Variants in STXBP5L observed in about 807,000 individuals in gnomAD.
STXBP5L encodes the protein syntaxin-binding protein 5-like.
STXBP5L carries 65 observed loss-of-function variants against 144.5 expected under a neutral mutation model. That is an observed-to-expected ratio of 0.45 (90% CI 0.37 to 0.55). The LOEUF (loss-of-function observed/expected upper bound fraction) is 0.55, where lower values mean the gene tolerates loss of function less well. Ranked by LOEUF, STXBP5L falls within the 20% of genes least tolerant of loss-of-function variation. STXBP5L has a pLI of 0.00. For synonymous variants in STXBP5L, 505 were observed against 469.6 expected, an observed-to-expected ratio of 1.08 and a Z score of -0.97; for missense variants, 1,298 against 1,405.5, an observed-to-expected ratio of 0.92 and a Z score of 1.22.
At chr3:121,346,538 C>T (rs2044994167) in intron 20 of STXBP5L, among the ~76,000 whole-genome samples, 1 of 152,120 alleles carries the variant, frequency 6.6e-6, no homozygotes, top group East Asian at 1.9e-4. Context: ...CTGTCTTCCA[C>T]AATGGTTGAA....
chr3:121,195,452 C>A (rs900336645), intron 9 of STXBP5L, among the ~76,000 whole-genome samples: 1 of 152,156 alleles, frequency 6.6e-6, no homozygotes, highest in African/African-American at 2.4e-5. Flanking sequence ...CCCTGCTTCA[C>A]CCTCGCAACC....
At chr3:121,064,478 C>A (rs1391541647) in intron 5 of STXBP5L, among the ~76,000 whole-genome samples, 2 of 152,206 alleles carry the variant, frequency 1.3e-5, no homozygotes, top group East Asian at 3.9e-4. Flanking sequence ...ATTCCACAAA[C>A]ACCCTTGTGA....
rs1005931334 is a variant in STXBP5L at position 120,996,821 on chromosome 3, G to A, written c.287+41784G>A. Among the ~76,000 whole-genome samples, 4 of 152,064 alleles carry A rather than the reference G, an allele frequency of 2.6e-5. No individual in the cohort carries two copies. The East Asian group carries it at 7.7e-4, about 29-fold the overall frequency. ...TTCTTGCTTTCCAACTTTTATTCTAGGTTCAGGGGGGTACATGTTCAGGTT... is the reference window on the plus strand; with the variant it reads ...TTCTTGCTTTCCAACTTTTATTCTAAGTTCAGGGGGGTACATGTTCAGGTT... On this transcript the variant is annotated intron_variant, in intron 3 of 26. Coordinates refer to ENST00000471454, the MANE Select transcript of STXBP5L (RefSeq NM_001308330.2).
rs1334524732 is a variant in STXBP5L at position 121,223,067 on chromosome 3, A to G, written c.1021A>G (p.Thr341Ala). 10 of 1,613,188 alleles carry G rather than the reference A, an allele frequency of 6.2e-6. No individual in the cohort carries two copies. The highest frequency in any genetic ancestry group is 7.6e-6 in the Non-Finnish European group (9 of 1,179,556). ...YDKACRRPSL[T>A]IMHGKAITVL... Reference sequence around the variant, plus strand: ...CAAAGCTTGTAGAAGACCAAGTTTAACCATCATGCATGGAAAAGCAATTAC... The same window carrying G: ...CAAAGCTTGTAGAAGACCAAGTTTAGCCATCATGCATGGAAAAGCAATTAC... Residue 341 changes from threonine (T) to alanine (A), a missense_variant, in exon 11 of 27, where the codon ACC (threonine) becomes GCC (alanine). Coordinates refer to ENST00000471454, the MANE Select transcript of STXBP5L (RefSeq NM_001308330.2).
intron 20 of STXBP5L, among the ~76,000 whole-genome samples, chr3:121,346,574 T>C (rs2044996229): frequency 6.6e-6 from 1 of 152,180 alleles, no homozygotes; most frequent in Non-Finnish European, 1.5e-5. Flanking sequence ...ACCAACAGTG[T>C]AAAAGTGTTC....
chr3:121,006,981 C>G (rs891234390), intron 3 of STXBP5L, among the ~76,000 whole-genome samples: 1 of 152,148 alleles, frequency 6.6e-6, no homozygotes, highest in Non-Finnish European at 1.5e-5. Flanking sequence ...CTACCCTTAA[C>G]ATTTTTTCCT....
At chr3:121,017,899 G>A (rs992734810) in intron 3 of STXBP5L, among the ~76,000 whole-genome samples, 5 of 152,032 alleles carry the variant, frequency 3.3e-5, no homozygotes, top group South Asian at 2.1e-4. Context: ...GCAATGTTGT[G>A]AGACCCCAGT....
At chr3:121,076,842 C>G (rs1418894943) in intron 5 of STXBP5L, among the ~76,000 whole-genome samples, 1 of 152,172 alleles carries the variant, frequency 6.6e-6, no homozygotes, top group African/African-American at 2.4e-5. Flanking sequence ...TGCTTTCACT[C>G]TCAGTTTCAC....
At chr3:121,290,116 T>C (rs960018560) in intron 19 of STXBP5L, among the ~76,000 whole-genome samples, 2 of 152,130 alleles carry the variant, frequency 1.3e-5, no homozygotes, top group African/African-American at 4.8e-5. Context: ...AACCAAAATG[T>C]GGTTCTTTGA....
chr3:120,939,740 C>T (rs1416037954), intron 2 of STXBP5L, among the ~76,000 whole-genome samples: 5 of 152,064 alleles, frequency 3.3e-5, no homozygotes, highest in Non-Finnish European at 7.4e-5. Flanking sequence ...TTAAGAAATA[C>T]ACTATTACTG....
At chr3:121,334,996 A>C (rs1559987040) in intron 20 of STXBP5L, among the ~76,000 whole-genome samples, 1 of 152,304 alleles carries the variant, frequency 6.6e-6, no homozygotes, top group Non-Finnish European at 1.5e-5. Context: ...CATTCAAACA[A>C]GAAGAGAGAA....
At chr3:121,038,159 A>G (rs1015889027) in intron 3 of STXBP5L, among the ~76,000 whole-genome samples, 1 of 151,474 alleles carries the variant, frequency 6.6e-6, no homozygotes, top group African/African-American at 2.4e-5. Flanking sequence ...GATCATCTTT[A>G]TTATTGTTCT....
At chr3:121,394,602 G>GTTTTTTT (rs373859677) in intron 22 of STXBP5L, among the ~76,000 whole-genome samples, 1 of 99,758 alleles carries the variant, frequency 1.0e-5, no homozygotes, top group Non-Finnish European at 1.9e-5. Context: ...TTTGTTGAGG[G>GTTTTTTT]TTTTTTTTTT....
At chr3:121,386,163 T>A (rs941954808) in intron 22 of STXBP5L, among the ~76,000 whole-genome samples, 3 of 152,252 alleles carry the variant, frequency 2.0e-5, no homozygotes, top group Middle Eastern at 3.4e-3. Flanking sequence ...TGAACAAGAA[T>A]AATAAAGGCC....
At chr3:121,204,350 T>C (rs1347244534) in intron 9 of STXBP5L, among the ~76,000 whole-genome samples, 2 of 152,214 alleles carry the variant, frequency 1.3e-5, no homozygotes, top group Non-Finnish European at 2.9e-5. Context: ...GCACAGTATG[T>C]ATATTTTTGT....
chr3:120,951,708 G>T (rs1190482993), intron 2 of STXBP5L, among the ~76,000 whole-genome samples: 1 of 151,778 alleles, frequency 6.6e-6, no homozygotes, highest in Non-Finnish European at 1.5e-5. Context: ...CTGTTGTTGG[G>T]ACTGTAAACT....
intron 22 of STXBP5L, among the ~76,000 whole-genome samples, chr3:121,400,031 A>G (rs972537257): frequency 6.6e-6 from 1 of 152,232 alleles, no homozygotes; most frequent in African/African-American, 2.4e-5. Flanking sequence ...GTCTACAAAA[A>G]TGAAACCTTA....
At chr3:121,185,677 GC>G (rs1223673310) in intron 9 of STXBP5L, among the ~76,000 whole-genome samples, 1 of 152,038 alleles carries the variant, frequency 6.6e-6, no homozygotes, top group Non-Finnish European at 1.5e-5. Flanking sequence ...TGGTACCAGT[GC>G]CATACTGTTT....
intron 3 of STXBP5L, among the ~76,000 whole-genome samples, chr3:121,011,367 T>C (rs1944761251): frequency 6.6e-6 from 1 of 151,608 alleles, no homozygotes; most frequent in Admixed American, 6.6e-5. Context: ...ACCTATTAGA[T>C]GAGTCCTGCA....
Sources: gnomAD v4.1 joint callset for allele counts (sites outside exome capture counted in the v4.1 genomes callset) on GRCh38, gnomAD v4.1.1 for gene constraint, MANE v1.5 for transcripts, NCBI Gene and HGNC (gene_info 2026-07-23, HGNC 2026-07-21) for gene names.